The following MINDY2 variants were observed in gnomAD, a reference collection of about 807,000 sequenced individuals.
MINDY2 encodes the protein MINDY lysine 48 deubiquitinase 2, also known as ubiquitin carboxyl-terminal hydrolase MINDY-2.
MINDY2 carries 52 observed loss-of-function variants against 68.2 expected under a neutral mutation model. The ratio of observed to expected loss-of-function variants is 0.76; its 90% CI spans 0.61 to 0.96. MINDY2 has a LOEUF of 0.96. Among genes scored for constraint, MINDY2 ranks in the 40% least tolerant of loss-of-function variants. MINDY2 has a pLI of 0.00. For missense variants in MINDY2, 881 were observed against 773.4 expected (o/e 1.14, Z -1.65); for synonymous variants, 372 against 303.0 (o/e 1.23, Z -2.36).
Position 58,810,401 on chromosome 15 carries a change from A to C in MINDY2, c.1122+13A>C. The C allele has an allele frequency of 6.5e-7, 1 of 1,545,810 alleles. No individual in the cohort carries two copies. Among genetic ancestry groups the C allele is most frequent in the Non-Finnish European group, 8.7e-7 (1 of 1,145,858 alleles). On this transcript the variant is annotated intron_variant, in intron 4 of 8. Coordinates refer to ENST00000559228, the MANE Select transcript of MINDY2 (RefSeq NM_001040450.3). ...AGTAGACCCTCAGGTAAGTCGAAGA[A>C]TTTAAATTATGTAAACACAAATACA...
intron 6 of MINDY2, among the ~76,000 whole-genome samples, chr15:58,843,873 C>A (rs2141049954): frequency 6.8e-6 from 1 of 146,656 alleles, no homozygotes; most frequent in Admixed American, 6.8e-5. Context: ...AATATCATCA[C>A]AATTTGTAAA....
chr15:58,844,588 A>T (rs1282970059), intron 6 of MINDY2, among the ~76,000 whole-genome samples: 10 of 140,292 alleles, frequency 7.1e-5, no homozygotes, highest in Non-Finnish European at 1.4e-4. Context: ...AAAAATCTGC[A>T]TTGTTGACAG....
chr15:58,847,394 G>C lies in MINDY2; in HGVS notation c.1466G>C (p.Cys489Ser). 6.2e-7 allele frequency: 1 copy of C among 1,608,728 alleles called. No individual in the cohort carries two copies. Among genetic ancestry groups the C allele is most frequent in the Admixed American group, 1.7e-5 (1 of 59,966 alleles). The change falls in exon 7 of 9, where the codon TGT (cysteine) becomes TCT (serine). Residue 489 changes from cysteine to serine, a missense_variant. By Grantham distance (112) the Cys-to-Ser change is moderately radical (BLOSUM62 -1). Coordinates refer to ENST00000559228, the MANE Select transcript of MINDY2 (RefSeq NM_001040450.3). ...LHNVDGDGNF[C>S]DSEFHLRPPS... is the part of the protein sequence containing the mutation. ...AACGTAGATGGTGATGGAAATTTCT[G>C]TGACTCAGAATTTCATCTTCGACCT... is the stretch of plus-strand genomic sequence containing the variant.
Position 58,802,322 on chromosome 15 carries a change from T to C in MINDY2, c.908T>C (p.Met303Thr). ...EQLMEYLGDYMLDAKPKEISE... is the reference protein window; with the variant it reads ...EQLMEYLGDYTLDAKPKEISE... ...TTTTTTTTTTTTACAGGAGATTACA[T>C]GCTTGATGCAAAGCCAAAAGAAATT... The change falls in exon 3 of 9, where the codon ATG (methionine) becomes ACG (threonine). Residue 303 changes from methionine (M) to threonine (T), a missense_variant. Coordinates refer to ENST00000559228, the MANE Select transcript of MINDY2 (RefSeq NM_001040450.3). 1 of 1,581,592 alleles carries C rather than the reference T, an allele frequency of 6.3e-7. No individual in the cohort carries two copies.
At chr15:58,794,400 A>C (rs570020464) in intron 2 of MINDY2, among the ~76,000 whole-genome samples, 1 of 131,322 alleles carries the variant, frequency 7.6e-6, no homozygotes, top group African/African-American at 3.0e-5. Context: ...TGTGTGTTTT[A>C]AGAATAAAAT....
rs777038305 is a variant in MINDY2, at chr15:58,772,174, A to C, written c.779A>C (p.Gln260Pro). The C allele has an allele frequency of 6.2e-7, 1 of 1,613,988 alleles. No homozygotes were observed. Among genetic ancestry groups the C allele is most frequent in the Non-Finnish European group, 8.5e-7 (1 of 1,180,028 alleles). Residue 260 changes from glutamine (Q) to proline (P), a missense_variant, in exon 1 of 9, where the codon CAG becomes CCG. Gln to Pro is a moderately conservative substitution (Grantham distance 76). Transcript: ENST00000559228. ...WKEENTPIITQNENGPCPLLA... is the reference protein window; with the variant it reads ...WKEENTPIITPNENGPCPLLA... ...GAAGAGAACACACCCATCATCACCC[A>C]GAATGAGAACGGACCCTGCCCCTTG...
In MINDY2 at chr15:58,771,731, G is replaced by A; in HGVS notation, c.336G>A (p.Pro112=). 6.2e-7 allele frequency: 1 copy of A among 1,611,918 alleles called. No individual in the cohort carries two copies. Among genetic ancestry groups the A allele is most frequent in the South Asian group, 1.1e-5 (1 of 91,024 alleles). ...GGCAGTACAAGGTGACCGCCTCCCCGGAGACAGCCGTGGCCGGAGTGGGTC... is the reference window on the plus strand; with the variant it reads ...GGCAGTACAAGGTGACCGCCTCCCCAGAGACAGCCGTGGCCGGAGTGGGTC... ...LRGQYKVTAS[P]ETAVAGVGHE... is the part of the protein sequence containing the mutation. The change falls in exon 1 of 9, where the codon CCG becomes CCA. Residue 112 remains proline (P), a synonymous_variant. Transcript: ENST00000559228.
intron 4 of MINDY2, among the ~76,000 whole-genome samples, chr15:58,816,459 A>G (rs7183811): frequency 0.021 from 3,174 of 152,070 alleles, 108 homozygotes; most frequent in African/African-American, 0.07. Context: ...TGCCCAGACT[A>G]GAGTGCAGTA....
At chr15:58,820,703 A>G (rs2140996891) in intron 4 of MINDY2, among the ~76,000 whole-genome samples, 1 of 152,304 alleles carries the variant, frequency 6.6e-6, no homozygotes, top group South Asian at 2.1e-4. Context: ...GAGAAGCAAC[A>G]TGAGCCTGAA....
In MINDY2 at chr15:58,859,653, G is replaced by T. The variant is rs773167434; in HGVS notation, c.*5043G>T. The T allele has an allele frequency of 1.3e-5, 2 of 152,092 alleles. No individual in the cohort carries two copies. Among genetic ancestry groups the T allele is most frequent in the African/African-American group, 4.8e-5 (2 of 41,424 alleles). 9.4% of individuals were successfully genotyped at this position (152,092 alleles called of 1,614,324 possible). On this transcript the variant is annotated 3_prime_UTR_variant, in exon 9 of 9. Transcript: ENST00000559228. ...TGAACAAAACAAATTGCAAAATAGC[G>T]ATAATGGCATGGGAGAGGCCAGATG...
intron 7 of MINDY2, 119 bp downstream of exon 7, chr15:58,847,589 C>G (rs1333224945): frequency 1.4e-6 from 1 of 729,482 alleles, no homozygotes; most frequent in African/African-American, 1.8e-5. Flanking sequence ...TGAAATTTTC[C>G]TGACACTTCC....
rs116409725 is a variant in MINDY2 at position 58,775,014 on chromosome 15, C to T, written c.840+2779C>T. 4.0e-3 allele frequency among the ~76,000 whole-genome samples: 608 copies of T among 152,180 alleles called. 4 individuals are homozygous for T. The highest frequency in any genetic ancestry group is 0.014 in the African/African-American group (591 of 41,506). ...AATCATTGATGAAGAGATGGATAAG[C>T]GAAGCAAAGTAGAGCAGTATTCTCA... is the stretch of plus-strand genomic sequence containing the variant. On this transcript the variant is annotated intron_variant, in intron 1 of 8. Transcript: ENST00000559228.
intron 2 of MINDY2, among the ~76,000 whole-genome samples, chr15:58,792,188 A>G (rs920803794): frequency 6.6e-6 from 1 of 152,238 alleles, no homozygotes; most frequent in Non-Finnish European, 1.5e-5. Flanking sequence ...GTAAAATAAT[A>G]CAGCCACTTT....
At chr15:58,774,742 G>A (rs1900673895) in intron 1 of MINDY2, among the ~76,000 whole-genome samples, 1 of 152,164 alleles carries the variant, frequency 6.6e-6, no homozygotes, top group Admixed American at 6.5e-5. Flanking sequence ...TGGGCAAAGA[G>A]AATAGTGTAT....
At chr15:58,830,071 T>C (rs905252804) in intron 5 of MINDY2, among the ~76,000 whole-genome samples, 1 of 152,050 alleles carries the variant, frequency 6.6e-6, no homozygotes, top group Non-Finnish European at 1.5e-5. Flanking sequence ...CTCTACTTAC[T>C]CCAAAAGGAA....
At chr15:58,783,478 T>C (rs773780555) in intron 1 of MINDY2, among the ~76,000 whole-genome samples, 15 of 152,212 alleles carry the variant, frequency 9.9e-5, no homozygotes, top group Middle Eastern at 3.2e-3. Context: ...TCCTTTGGAT[T>C]ATCAAAATCA....
intron 2 of MINDY2, among the ~76,000 whole-genome samples, chr15:58,789,036 TA>T (rs1221897303): frequency 2.1e-5 from 3 of 140,810 alleles, no homozygotes; most frequent in African/African-American, 8.0e-5. Context: ...ATTTTATTTT[TA>T]AAAAATCTTG....
intron 1 of MINDY2, among the ~76,000 whole-genome samples, chr15:58,786,101 A>G (rs554511710): frequency 6.6e-6 from 1 of 152,348 alleles, no homozygotes; most frequent in East Asian, 1.9e-4. Context: ...ATTGACTGTC[A>G]TATATGCTTA....
intron 1 of MINDY2, among the ~76,000 whole-genome samples, chr15:58,778,810 CTTTTTTTTTTTTT>C (rs1182523003): frequency 8.7e-6 from 1 of 114,374 alleles, no homozygotes; most frequent in African/African-American, 3.5e-5. Flanking sequence ...TTCTTTTTTT[CTTTTTTTTTTTTT>C]TTTTTTTGAG....
Sources: allele counts gnomAD v4.1 joint callset (sites outside exome capture counted in the v4.1 genomes callset), GRCh38; gene constraint gnomAD v4.1.1; transcripts MANE v1.5; gene names NCBI Gene and HGNC (gene_info 2026-07-23, HGNC 2026-07-21).